Variants in TTLL4 observed in about 807,000 individuals in gnomAD.
The protein encoded by TTLL4 is tubulin monoglutamylase TTLL4.
Under a neutral mutation model 122.7 loss-of-function variants are expected in TTLL4, and 85 were observed. That is an observed-to-expected ratio of 0.69 (90% CI 0.58 to 0.83). The LOEUF (loss-of-function observed/expected upper bound fraction) is 0.83, where lower values mean the gene tolerates loss of function less well. Ranked by LOEUF, TTLL4 falls within the 40% of genes least tolerant of loss-of-function variation. The pLI is 0.00. For missense variants in TTLL4, 1,363 were observed against 1,488.6 expected, an observed-to-expected ratio of 0.92 and a Z score of 1.39; for synonymous variants, 553 against 563.0, an observed-to-expected ratio of 0.98 and a Z score of 0.25.
intron 1 of TTLL4, among the ~76,000 whole-genome samples, chr2:218,726,258 T>G (rs1259311368): frequency 6.6e-6 from 1 of 152,178 alleles, no homozygotes; most frequent in African/African-American, 2.4e-5. Flanking sequence ...CCGAGGAGAA[T>G]TTTGTTGCCA....
chr2:218,712,032 T>TCC (rs1941724739), intron 1 of TTLL4, among the ~76,000 whole-genome samples: 1 of 151,992 alleles, frequency 6.6e-6, no homozygotes, highest in Non-Finnish European at 1.5e-5. Flanking sequence ...GCTACTTATA[T>TCC]TGGACTGAAT....
In TTLL4 at chr2:218,731,466, CAAAAG is replaced by C. The variant is rs199958448; in HGVS notation, c.-99+4122_-99+4126del. On this transcript the variant is annotated intron_variant, in intron 2 of 19. Coordinates refer to ENST00000392102, the MANE Select transcript of TTLL4 (RefSeq NM_014640.5). Reference sequence around the variant, plus strand: ...CAAATAACAAGACGGTTCTGTTTTACAAAAGAACATTGCTTGTCCTCGCTGAAGTT... The same window carrying C: ...CAAATAACAAGACGGTTCTGTTTTACAACATTGCTTGTCCTCGCTGAAGTT... Among the ~76,000 whole-genome samples, 976 of 151,926 alleles carry C rather than the reference CAAAAG, an allele frequency of 6.4e-3. 13 individuals carry two copies. Among genetic ancestry groups the C allele is most frequent in the African/African-American group, 0.022 (920 of 41,436 alleles).
chr2:218,758,879 C>T (rs1943194719), downstream of TTLL4, among the ~76,000 whole-genome samples: 1 of 152,202 alleles, frequency 6.6e-6, no homozygotes, highest in African/African-American at 2.4e-5. Context: ...TTAGAAACAA[C>T]CATATGTCCA....
chr2:218,711,244 G>A (rs1399579752), intron 1 of TTLL4, among the ~76,000 whole-genome samples: 1 of 152,282 alleles, frequency 6.6e-6, no homozygotes, highest in East Asian at 1.9e-4. Flanking sequence ...GCGCCTCCTC[G>A]GAGCCCTTCT....
chr2:218,755,843 G>T (rs7599365), downstream of TTLL4, among the ~76,000 whole-genome samples: 4 of 151,818 alleles, frequency 2.6e-5, no homozygotes, highest in Non-Finnish European at 5.9e-5. Context: ...GTGGGGTGGG[G>T]CCCTGGAAAG....
intron 19 of TTLL4, 94 bp from the exon 20 acceptor site, chr2:218,754,040 C>G (rs189887038): frequency 6.5e-7 from 1 of 1,547,680 alleles, no homozygotes; most frequent in Non-Finnish European, 8.8e-7. Context: ...ACTGTAATGT[C>G]GTGAATGCCT....
At chr2:218,746,707 A>G in intron 8 of TTLL4, 1 of 438,542 alleles carries the variant, frequency 2.3e-6, no homozygotes. Flanking sequence ...TAAAGGCGAA[A>G]TGCTTTTCTG....
chr2:218,747,705 G>T lies in TTLL4; in HGVS notation c.2358G>T (p.Leu786=), dbSNP rs1372582255. ...PLRIYLFSDG[L]VRFASCKYSP... Reference sequence around the variant, plus strand: ...GGATTTACCTCTTTTCAGATGGACTGGTCCGCTTTGCCAGTTGCAAGTATG... The same window carrying T: ...GGATTTACCTCTTTTCAGATGGACTTGTCCGCTTTGCCAGTTGCAAGTATG... Residue 786 remains leucine (L), a synonymous_variant, in exon 11 of 20, where the codon CTG becomes CTT. Transcript: ENST00000392102. The surrounding 1 kb of genome is among the most constrained non-coding windows in gnomAD (Gnocchi z 4.7). 6.2e-7 allele frequency: 1 copy of T among 1,614,212 alleles called. No homozygotes were observed.
rs769855791 is a variant in TTLL4 at position 218,739,207 on chromosome 2, A to T, written c.1487+44A>T. The T allele has an allele frequency of 2.6e-6, 4 of 1,550,830 alleles. No homozygotes were observed. The Admixed American group carries it at 7.7e-5, about 30-fold the overall frequency. On this transcript the variant is annotated intron_variant, in intron 3 of 19. Transcript: ENST00000392102. The stretch of plus-strand genomic sequence containing the variant: ...TGGTTCATTTAGAGCAGTAGAATGT[A>T]TATACCATAATTTGGGGTGGCACCG...
At position 218,753,579 on chromosome 2, in the gene TTLL4, C is replaced by T. The variant is rs1943082059; in HGVS notation, c.3259-5C>T. The T allele has an allele frequency of 1.9e-6, 3 of 1,614,088 alleles. No individual in the cohort carries two copies. Among genetic ancestry groups the T allele is most frequent in the Non-Finnish European group, 2.5e-6 (3 of 1,179,988 alleles). ...TTTTGGTCTCATTGCTTCCTTTGCT[C>T]TTAGTGGTCTCTCCCGACATCACTT... On this transcript the variant is annotated splice_region_variant and splice_polypyrimidine_tract_variant and intron_variant, in intron 18 of 19. Transcript: ENST00000392102.
intron 7 of TTLL4, 62 bp downstream of exon 7, chr2:218,745,863 G>T (rs912289233): frequency 5.4e-6 from 8 of 1,470,160 alleles, no homozygotes; most frequent in Non-Finnish European, 7.6e-6. Context: ...CTTTGCATAG[G>T]GGGAGAGCTC....
At chr2:218,718,837 T>C (rs1425102122) in intron 1 of TTLL4, among the ~76,000 whole-genome samples, 3 of 152,082 alleles carry the variant, frequency 2.0e-5, no homozygotes, top group Non-Finnish European at 2.9e-5. Flanking sequence ...TTCCTGAGAA[T>C]GGGTGTTTTA....
downstream of TTLL4, among the ~76,000 whole-genome samples, chr2:218,758,774 A>T (rs1943193354): frequency 6.6e-6 from 1 of 152,248 alleles, no homozygotes; most frequent in Admixed American, 6.5e-5. Context: ...AGCTTGGTAG[A>T]TTCTTACAAA....
Position 218,738,117 on chromosome 2 carries a change from T to A in TTLL4, c.441T>A (p.Ser147=), listed in dbSNP as rs1942583816. 1 of 1,613,916 alleles carries A rather than the reference T, an allele frequency of 6.2e-7. No individual in the cohort carries two copies. The highest frequency in any genetic ancestry group is 1.3e-5 in the African/African-American group (1 of 74,938). ...RSSPSEKSPF[S]LPQKSLPVSL... ...GCCCGTCAGAAAAAAGCCCTTTTTC[T>A]CTCCCTCAAAAGAGCCTCCCTGTCA... Residue 147 remains serine (S), a synonymous_variant, in exon 3 of 20, where the codon TCT becomes TCA. Coordinates refer to ENST00000392102, the MANE Select transcript of TTLL4 (RefSeq NM_014640.5).
At chr2:218,733,373 G>A (rs769883849) in intron 2 of TTLL4, among the ~76,000 whole-genome samples, 4 of 152,136 alleles carry the variant, frequency 2.6e-5, no homozygotes, top group South Asian at 2.1e-4. Flanking sequence ...AAGCAGGCAC[G>A]TCTTCACATG....
At chr2:218,753,773 C>CG (rs1943088704) in intron 19 of TTLL4, 104 bp downstream of exon 19, 2 of 1,304,182 alleles carry the variant, frequency 1.5e-6, no homozygotes, top group Non-Finnish European at 2.2e-6. Context: ...CATTCTCCAG[C>CG]TGGGGGTTGG....
chr2:218,756,990 C>T (rs1193398400), downstream of TTLL4, among the ~76,000 whole-genome samples: 1 of 152,140 alleles, frequency 6.6e-6, no homozygotes, highest in African/African-American at 2.4e-5. Flanking sequence ...GGTTTAAATC[C>T]CAGTTCTGCC....
At chr2:218,724,905 T>C (rs1413541102) in intron 1 of TTLL4, among the ~76,000 whole-genome samples, 1 of 152,126 alleles carries the variant, frequency 6.6e-6, no homozygotes, top group Non-Finnish European at 1.5e-5. Flanking sequence ...ATTTTCGTAT[T>C]TTATTTTTTA....
intron 15 of TTLL4, among the ~76,000 whole-genome samples, chr2:218,750,610 TTCTTCC>T (rs1007072828): frequency 1.5e-4 from 23 of 152,200 alleles, no homozygotes; most frequent in African/African-American, 5.1e-4. Flanking sequence ...TCTCTCTTTC[TTCTTCC>T]TCTCCTGGCT....
Sources: gnomAD v4.1 joint callset for allele counts (sites outside exome capture counted in the v4.1 genomes callset) on GRCh38, gnomAD v4.1.1 for gene constraint, Gnocchi (gnomAD v3.1) non-coding constraint, MANE v1.5 for transcripts, NCBI Gene and HGNC (gene_info 2026-07-23, HGNC 2026-07-21) for gene names.